The following C9orf85 variants were observed in gnomAD, a reference collection of about 807,000 sequenced individuals.
C9orf85 encodes the protein chromosome 9 open reading frame 85.
In C9orf85, 16 loss-of-function variants were observed where a neutral mutation model predicts 14.9. That is an observed-to-expected ratio of 1.08 (90% CI 0.73 to 1.63). The LOEUF (loss-of-function observed/expected upper bound fraction) is 1.63. C9orf85 is among the 40% of genes most tolerant of loss of function. The pLI is 0.00. For missense variants in C9orf85, 172 were observed against 186.1 expected, an observed-to-expected ratio of 0.92 and a Z score of 0.44; for synonymous variants, 45 against 56.8, an observed-to-expected ratio of 0.79 and a Z score of 0.93.
intron 1 of C9orf85, among the ~76,000 whole-genome samples, chr9:71,923,690 T>TA (rs1355045527): frequency 2.6e-5 from 4 of 152,210 alleles, no homozygotes; most frequent in Non-Finnish European, 5.9e-5. Context: ...TCACTCTGCT[T>TA]AGATTCAGCT....
downstream of C9orf85, chr9:71,983,721 T>C (rs1351821753): frequency 6.6e-6 from 1 of 152,230 alleles, no homozygotes; most frequent in Non-Finnish European, 1.5e-5. Context: ...GGTACATTGC[T>C]TCAGTAGGTA....
intron 1 of C9orf85, among the ~76,000 whole-genome samples, chr9:71,916,345 C>G (rs1827649468): frequency 6.6e-6 from 1 of 151,764 alleles, no homozygotes; most frequent in African/African-American, 2.4e-5. Context: ...TCTTAGAGCC[C>G]CAAGGTCATG....
intron 1 of C9orf85, among the ~76,000 whole-genome samples, chr9:71,912,892 CA>C (rs978288043): frequency 3.9e-5 from 6 of 151,910 alleles, no homozygotes; most frequent in Non-Finnish European, 8.8e-5. Context: ...AAAACAAAAA[CA>C]AAAAACTACT....
chr9:71,960,894 C>G (rs111388656), intron 2 of C9orf85, among the ~76,000 whole-genome samples: 1 of 150,922 alleles, frequency 6.6e-6, no homozygotes, highest in African/African-American at 2.4e-5. Context: ...GCACATTGGC[C>G]GTTTTTCAGT....
intron 2 of C9orf85, among the ~76,000 whole-genome samples, chr9:71,969,873 A>G (rs1184967465): frequency 6.6e-6 from 1 of 151,134 alleles, no homozygotes; most frequent in Non-Finnish European, 1.5e-5. Context: ...CATTTTCTAG[A>G]TATTTTCTGT....
At chr9:71,976,915 C>T (rs997131889), downstream of C9orf85, among the ~76,000 whole-genome samples, 3 of 152,132 alleles carry the variant, frequency 2.0e-5, no homozygotes, top group Non-Finnish European at 4.4e-5. Flanking sequence ...TGAGGGGAAT[C>T]TGCTGAGACA....
intron 3 of C9orf85, among the ~76,000 whole-genome samples, chr9:71,979,958 T>C (rs1823066443): frequency 6.6e-6 from 1 of 152,182 alleles, no homozygotes; most frequent in African/African-American, 2.4e-5. Context: ...TTCCACTTTT[T>C]ATTTTTACTT....
chr9:71,916,463 C>A (rs918672834), intron 1 of C9orf85, among the ~76,000 whole-genome samples: 2 of 151,754 alleles, frequency 1.3e-5, no homozygotes, highest in African/African-American at 2.4e-5. Flanking sequence ...TGGAATAAAT[C>A]AATGTTTTGC....
At chr9:71,981,364 C>T (rs1236752081) in intron 3 of C9orf85, among the ~76,000 whole-genome samples, 1 of 152,164 alleles carries the variant, frequency 6.6e-6, no homozygotes. Flanking sequence ...TGCTTCTAGT[C>T]CGAAAAATAA....
intron 1 of C9orf85, among the ~76,000 whole-genome samples, chr9:71,934,800 G>T (rs1261572380): frequency 6.6e-6 from 1 of 151,962 alleles, no homozygotes; most frequent in African/African-American, 2.4e-5. Context: ...AGCCTGGGAG[G>T]CAGAGTATGC....
chr9:71,960,649 T>G (rs1010458151), intron 2 of C9orf85, among the ~76,000 whole-genome samples: 1 of 152,174 alleles, frequency 6.6e-6, no homozygotes, highest in Admixed American at 6.5e-5. Context: ...CTCAGCTTAC[T>G]GCAACCTCTG....
intron 1 of C9orf85, among the ~76,000 whole-genome samples, chr9:71,943,248 A>G (rs1282567342): frequency 3.1e-5 from 1 of 32,638 alleles, no homozygotes; most frequent in South Asian, 3.0e-3. Flanking sequence ...CATTTTTTTA[A>G]TTCTGTTTTT....
At chr9:71,975,918 G>A (rs916200954), downstream of C9orf85, among the ~76,000 whole-genome samples, 3 of 152,270 alleles carry the variant, frequency 2.0e-5, no homozygotes, top group South Asian at 6.2e-4. Context: ...TAACTTTTGT[G>A]ATTAAGGAGC....
At chr9:71,912,744 C>T (rs1186497068) in intron 1 of C9orf85, among the ~76,000 whole-genome samples, 1 of 152,062 alleles carries the variant, frequency 6.6e-6, no homozygotes, top group Non-Finnish European at 1.5e-5. Context: ...AATTAGCCGA[C>T]GTGGTGACGG....
chr9:71,915,743 G>T (rs1827632825), intron 1 of C9orf85, among the ~76,000 whole-genome samples: 1 of 152,220 alleles, frequency 6.6e-6, no homozygotes, highest in South Asian at 2.1e-4. Flanking sequence ...ATGATACAGT[G>T]CATATGTAAT....
chr9:71,917,678 G>A (rs1316451873), intron 1 of C9orf85, among the ~76,000 whole-genome samples: 1 of 152,200 alleles, frequency 6.6e-6, no homozygotes, highest in Admixed American at 6.5e-5. Context: ...AAACACTAAT[G>A]TGGAGGGAAA....
exon 4 of C9orf85, chr9:71,982,663 T>C (rs553588055): frequency 1.4e-5 from 5 of 358,396 alleles, no homozygotes; most frequent in Non-Finnish European, 2.1e-5. Flanking sequence ...TCAGATGGAG[T>C]CTCCCTCTGT....
chr9:71,981,654 A>G (rs373130563), intron 3 of C9orf85, among the ~76,000 whole-genome samples: 2 of 152,344 alleles, frequency 1.3e-5, no homozygotes, highest in African/African-American at 2.4e-5. Flanking sequence ...TGATTAGTTA[A>G]GTCCAAATTC....
chr9:71,972,223 A>G (rs559432023), intron 3 of C9orf85, among the ~76,000 whole-genome samples: 2 of 152,230 alleles, frequency 1.3e-5, no homozygotes, highest in South Asian at 4.1e-4. Flanking sequence ...TTTAGTGACA[A>G]TAGTATTATA....
Sources: allele counts gnomAD v4.1 joint callset (sites outside exome capture counted in the v4.1 genomes callset), GRCh38; gene constraint gnomAD v4.1.1; transcripts MANE v1.5; gene names NCBI Gene and HGNC (gene_info 2026-07-23, HGNC 2026-07-21).